Variants in NAALADL2 observed in about 807,000 individuals in gnomAD.
NAALADL2 encodes inactive N-acetylated-alpha-linked acidic dipeptidase-like protein 2.
A neutral mutation model predicts 87.2 loss-of-function variants in NAALADL2; 76 were observed. The observed-to-expected ratio is 0.87, with a 90% CI of 0.72 to 1.05. The LOEUF is 1.05. NAALADL2 is among the 50% of genes least tolerant of loss of function. The pLI, the probability that NAALADL2 is intolerant of heterozygous loss-of-function variation, is 0.00. For missense variants in NAALADL2, 1,089 were observed against 945.8 expected (o/e 1.15, Z -1.99); for synonymous variants, 354 against 331.0 (o/e 1.07, Z -0.75).
At chr3:175,552,868 T>C (rs1289332598) in intron 9 of NAALADL2, among the ~76,000 whole-genome samples, 2 of 152,148 alleles carry the variant, frequency 1.3e-5, no homozygotes, top group African/African-American at 4.8e-5. Context: ...AGGGAAGATG[T>C]TTAATATAAT....
Position 174,495,605 on chromosome 3 carries a change from T to G in NAALADL2, c.-184+54573T>G, listed in dbSNP as rs1341889693. Among the ~76,000 whole-genome samples the G allele has an allele frequency of 2.0e-5, 3 of 151,834 alleles. No individual in the cohort carries two copies. In the East Asian group the frequency reaches 5.8e-4, roughly 29 times the overall value. On this transcript the variant is annotated intron_variant, in intron 1 of 3. Transcript: ENST00000434257. ...GCCAGAACACATATATCACACAGGT[T>G]ATGTTGGAACTTTCCCAACGAAGGG...
chr3:175,600,364 T>C (rs1322353141), intron 10 of NAALADL2, among the ~76,000 whole-genome samples: 1 of 152,002 alleles, frequency 6.6e-6, no homozygotes, highest in East Asian at 1.9e-4. Flanking sequence ...TTTTAAGGTA[T>C]AAACTATCAG....
intron 1 of NAALADL2, among the ~76,000 whole-genome samples, chr3:174,893,105 A>G (rs1483473289): frequency 2.6e-5 from 4 of 152,056 alleles, no homozygotes. Flanking sequence ...CTGGCAGCAG[A>G]CTCTTCAGTG....
At chr3:175,802,328 T>TTG (rs1553778037) in intron 13 of NAALADL2, among the ~76,000 whole-genome samples, 3 of 150,746 alleles carry the variant, frequency 2.0e-5, no homozygotes, top group South Asian at 2.1e-4. Flanking sequence ...GATTTTTTTT[T>TTG]GGGGGGGGAC....
intron 9 of NAALADL2, among the ~76,000 whole-genome samples, chr3:175,491,118 C>G (rs577493715): frequency 6.7e-6 from 1 of 150,128 alleles, no homozygotes; most frequent in South Asian, 2.1e-4. Flanking sequence ...TTCCAACACC[C>G]CAGAGCTGCA....
intron 3 of NAALADL2, among the ~76,000 whole-genome samples, chr3:174,818,841 G>C (rs1721081133): frequency 6.6e-6 from 1 of 152,024 alleles, no homozygotes; most frequent in Admixed American, 6.6e-5. Context: ...CACTGCAGGG[G>C]GAAAGGGAGG....
At chr3:174,665,529 G>T (rs892815969) in intron 2 of NAALADL2, among the ~76,000 whole-genome samples, 2 of 152,114 alleles carry the variant, frequency 1.3e-5, no homozygotes, top group Admixed American at 6.6e-5. Context: ...AGTTTCACAG[G>T]AGAAAATGGA....
chr3:174,586,653 G>A (rs1306041128), intron 2 of NAALADL2, among the ~76,000 whole-genome samples: 1 of 152,104 alleles, frequency 6.6e-6, no homozygotes, highest in Non-Finnish European at 1.5e-5. Context: ...AACATTCTGT[G>A]GGTTGGGCCA....
At chr3:175,720,237 GT>G (rs1425282033) in intron 11 of NAALADL2, among the ~76,000 whole-genome samples, 7 of 152,004 alleles carry the variant, frequency 4.6e-5, no homozygotes, top group African/African-American at 9.6e-5. Context: ...AACTATAAGA[GT>G]TTTTTGAAAT....
At chr3:175,490,012 C>G (rs956308956) in intron 9 of NAALADL2, among the ~76,000 whole-genome samples, 10 of 152,158 alleles carry the variant, frequency 6.6e-5, no homozygotes, top group African/African-American at 2.4e-4. Flanking sequence ...TGTCCTGACC[C>G]TCACTTCTAA....
At chr3:175,333,477 A>G (rs1180189983) in intron 5 of NAALADL2, among the ~76,000 whole-genome samples, 1 of 152,194 alleles carries the variant, frequency 6.6e-6, no homozygotes, top group African/African-American at 2.4e-5. Flanking sequence ...ACAATGGAAT[A>G]CTATTTAGCC....
chr3:175,457,103 CT>C (rs1241182504), intron 6 of NAALADL2, among the ~76,000 whole-genome samples: 1 of 151,878 alleles, frequency 6.6e-6, no homozygotes, highest in African/African-American at 2.4e-5. Context: ...ATTTTTTCCC[CT>C]GTTTGTAATC....
intron 2 of NAALADL2, among the ~76,000 whole-genome samples, chr3:174,692,876 T>G (rs2108857875): frequency 6.6e-6 from 1 of 151,708 alleles, no homozygotes; most frequent in Non-Finnish European, 1.5e-5. Flanking sequence ...TTTTACTTCA[T>G]TTTGTTCCTG....
At chr3:174,817,370 C>T (rs938504687) in intron 3 of NAALADL2, among the ~76,000 whole-genome samples, 31 of 152,198 alleles carry the variant, frequency 2.0e-4, no homozygotes, top group African/African-American at 5.5e-4. Flanking sequence ...GGGAGACTCA[C>T]GTGGGAGGAT....
intron 9 of NAALADL2, among the ~76,000 whole-genome samples, chr3:175,513,083 GCTT>G (rs1731380410): frequency 6.6e-6 from 1 of 152,146 alleles, no homozygotes; most frequent in Non-Finnish European, 1.5e-5. Context: ...GTTTCTGTGT[GCTT>G]CTTATTTCAG....
chr3:175,209,451 G>A lies in NAALADL2; in HGVS notation c.546-24480G>A, dbSNP rs145280444. On this transcript the variant is annotated intron_variant, in intron 2 of 13. Transcript: ENST00000454872. ...ACATTCTTGAGAAAGAGAAAATTTT[G>A]TTCTTGAAAATGGCCACTTTTCTTT... 4.1e-3 allele frequency among the ~76,000 whole-genome samples: 611 copies of A among 150,158 alleles called. 2 individuals are homozygous for A. The highest frequency in any genetic ancestry group is 0.014 in the African/African-American group (551 of 39,814).
intron 9 of NAALADL2, among the ~76,000 whole-genome samples, chr3:175,512,988 G>A (rs564051968): frequency 3.3e-5 from 5 of 152,222 alleles, no homozygotes; most frequent in African/African-American, 1.2e-4. Flanking sequence ...AACATATTCA[G>A]AAGCAACTTT....
chr3:174,604,045 G>T (rs1423082358), intron 2 of NAALADL2, among the ~76,000 whole-genome samples: 1 of 152,050 alleles, frequency 6.6e-6, no homozygotes, highest in Non-Finnish European at 1.5e-5. Context: ...ACAGCCATGC[G>T]ATAAAATGTT....
chr3:175,742,631 C>T (rs1457908129), intron 12 of NAALADL2, among the ~76,000 whole-genome samples: 5 of 152,036 alleles, frequency 3.3e-5, no homozygotes, highest in African/African-American at 1.2e-4. Context: ...TCTCCTGACC[C>T]CATGATCCGC....
Sources: gnomAD v4.1 joint callset for allele counts (sites outside exome capture counted in the v4.1 genomes callset) on GRCh38, gnomAD v4.1.1 for gene constraint, MANE v1.5 for transcripts, NCBI Gene and HGNC (gene_info 2026-07-23, HGNC 2026-07-21) for gene names.